Variants in AXDND1 observed in about 807,000 individuals in gnomAD.
AXDND1 encodes axonemal dynein light chain domain containing 1.
In AXDND1, 110 loss-of-function variants were observed where a neutral mutation model predicts 137.5. That is an observed-to-expected ratio of 0.80 (90% CI 0.69 to 0.94). AXDND1 has a LOEUF of 0.94. AXDND1 is among the 40% of genes least tolerant of loss of function. The pLI is 0.00. For synonymous variants in AXDND1, 414 were observed against 399.7 expected (o/e 1.04, Z -0.43); for missense variants, 1,191 against 1,169.8 (o/e 1.02, Z -0.26).
intron 20 of AXDND1, among the ~76,000 whole-genome samples, chr1:179,508,713 A>G (rs577475908): frequency 7.4e-5 from 11 of 147,906 alleles, no homozygotes; most frequent in Non-Finnish European, 1.7e-4. Flanking sequence ...CAGTAGAGGG[A>G]TTTTTTTTTT....
intron 2 of AXDND1, among the ~76,000 whole-genome samples, chr1:179,367,327 C>T (rs1178408070): frequency 6.6e-6 from 1 of 151,532 alleles, no homozygotes; most frequent in African/African-American, 2.4e-5. Flanking sequence ...ACCATTCTGG[C>T]CAACATGGAG....
chr1:179,430,687 C>A, intron 14 of AXDND1, 81 bp downstream of exon 14: 1 of 1,431,232 alleles, frequency 7.0e-7, no homozygotes, highest in Non-Finnish European at 9.5e-7. Context: ...CTCCTTCTGT[C>A]TTTTACCTTG....
intron 20 of AXDND1, among the ~76,000 whole-genome samples, chr1:179,506,530 G>A (rs766509635): frequency 1.9e-4 from 29 of 152,026 alleles, no homozygotes; most frequent in African/African-American, 6.8e-4. Flanking sequence ...TCAGCAGTTC[G>A]AGACCAGCCT....
intron 12 of AXDND1, among the ~76,000 whole-genome samples, chr1:179,413,359 T>C (rs567994622): frequency 5.9e-5 from 9 of 152,310 alleles, no homozygotes; most frequent in African/African-American, 2.2e-4. Context: ...TAGTGAACAT[T>C]GTATCCAATA....
chr1:179,548,444 A>G (rs1305755213), intron 25 of AXDND1, among the ~76,000 whole-genome samples: 1 of 152,184 alleles, frequency 6.6e-6, no homozygotes, highest in Non-Finnish European at 1.5e-5. Flanking sequence ...TATGTCTGAC[A>G]GCAGACCCCA....
intron 20 of AXDND1, among the ~76,000 whole-genome samples, chr1:179,502,303 G>A (rs533360530): frequency 1.3e-5 from 2 of 152,204 alleles, no homozygotes; most frequent in South Asian, 4.2e-4. Flanking sequence ...GGTGGCTTAC[G>A]CCTGTAATCT....
At chr1:179,456,059 T>C in intron 16 of AXDND1, 2 of 453,728 alleles carry the variant, frequency 4.4e-6, no homozygotes, top group Non-Finnish European at 4.3e-6. Context: ...ATAACAGTCC[T>C]CGAGTTTTTT....
chr1:179,428,385 CAGTT>C (rs771502911), intron 12 of AXDND1, among the ~76,000 whole-genome samples: 1 of 152,214 alleles, frequency 6.6e-6, no homozygotes, highest in African/African-American at 2.4e-5. Context: ...ACTGAAGTGA[CAGTT>C]AGAATGTCAA....
intron 12 of AXDND1, among the ~76,000 whole-genome samples, chr1:179,423,321 A>G (rs1656054225): frequency 6.6e-6 from 1 of 151,838 alleles, no homozygotes; most frequent in Non-Finnish European, 1.5e-5. Flanking sequence ...TTCAGTATGT[A>G]TGTGTTATTA....
chr1:179,437,982 T>C (rs961275699), intron 15 of AXDND1, among the ~76,000 whole-genome samples: 3 of 151,938 alleles, frequency 2.0e-5, no homozygotes, highest in African/African-American at 7.3e-5. Context: ...TGAAACCCTG[T>C]CTCTACTACA....
In AXDND1 at chr1:179,454,354, TG is replaced by T. The variant is rs201065080; in HGVS notation, c.1798+9152del. On this transcript the variant is annotated intron_variant, in intron 16 of 25. Transcript: ENST00000367618. ...GAGACATGCCTTTCACCTTCTGCTA[TG>T]GTTGTGAGGCCTCCACAGCCACGTG... 1,419 of 153,218 alleles carry T rather than the reference TG, an allele frequency of 9.3e-3. 42 individuals carry two copies. The highest frequency in any genetic ancestry group is 0.057 in the Admixed American group (872 of 15,302). The allele number at this position is 153,218 out of a possible 1,614,324, so 9.5% of individuals were successfully genotyped here.
chr1:179,450,571 T>G (rs1397541591), intron 16 of AXDND1: 3 of 152,232 alleles, frequency 2.0e-5, no homozygotes, highest in Non-Finnish European at 4.4e-5. Context: ...GCTTTCTCTG[T>G]ATTCATTGAG....
In AXDND1 at chr1:179,432,411, A is replaced by G. The variant is rs140584270; in HGVS notation, c.1563+69A>G. On this transcript the variant is annotated intron_variant, in intron 15 of 25. Coordinates refer to ENST00000367618, the MANE Select transcript of AXDND1 (RefSeq NM_144696.6). ...GTAAACTTGGCATTCCGGACCTACA[A>G]CTGAGGCACATCCCATCCTTTTTTT... 1,446 of 1,446,038 alleles carry G rather than the reference A, an allele frequency of 1.0e-3. 14 individuals carry two copies. The African/African-American group carries it at 0.02, about 20-fold the overall frequency. 89.6% of individuals were successfully genotyped at this position (1,446,038 alleles called of 1,614,324 possible). A position where few individuals can be genotyped will look rare whatever the true frequency, so the allele number is the denominator to read the frequency against.
intron 16 of AXDND1, chr1:179,456,159 G>A (rs945679315): frequency 4.9e-6 from 3 of 611,034 alleles, no homozygotes; most frequent in Admixed American, 4.2e-5. Context: ...TCACAAATCT[G>A]TTGTAACCTG....
chr1:179,394,131 G>A, intron 10 of AXDND1, 88 bp downstream of exon 10: 1 of 1,344,672 alleles, frequency 7.4e-7, no homozygotes, highest in Non-Finnish European at 9.9e-7. Context: ...AAGTGGAATG[G>A]TTAAAGGCCA....
chr1:179,502,321 T>A (rs1668071936), intron 20 of AXDND1, among the ~76,000 whole-genome samples: 2 of 152,124 alleles, frequency 1.3e-5, no homozygotes, highest in Non-Finnish European at 2.9e-5. Flanking sequence ...TCTCAGCACT[T>A]TGGGAGGCCG....
Position 179,551,961 on chromosome 1 carries a change from A to G in AXDND1, c.3032-2551A>G, listed in dbSNP as rs184323839. On this transcript the variant is annotated intron_variant, in intron 25 of 25. Coordinates refer to ENST00000367618, the MANE Select transcript of AXDND1 (RefSeq NM_144696.6). ...CCCTTCCTCATCCCCGCCTCCCCTC[A>G]GTGATCCACAGGCAATGATCCTCTT... 53 of 172,154 alleles carry G rather than the reference A, an allele frequency of 3.1e-4. 1 individual carries two copies. In the East Asian group the frequency reaches 8.0e-3, roughly 26 times the overall value. 10.7% of individuals were successfully genotyped at this position (172,154 alleles called of 1,614,324 possible). A position where few individuals can be genotyped will look rare whatever the true frequency, so the allele number is the denominator to read the frequency against.
intron 12 of AXDND1, among the ~76,000 whole-genome samples, chr1:179,421,824 G>A (rs1429910518): frequency 6.6e-6 from 1 of 151,626 alleles, no homozygotes; most frequent in Non-Finnish European, 1.5e-5. Context: ...GATCACCTGA[G>A]GTCAGGAGTT....
chr1:179,370,186 G>A, intron 4 of AXDND1, 108 bp downstream of exon 4: 2 of 863,322 alleles, frequency 2.3e-6, no homozygotes, highest in East Asian at 5.4e-5. Flanking sequence ...AATCATAGAT[G>A]ATAAAATTTA....
Sources: gnomAD v4.1 joint callset for allele counts (sites outside exome capture counted in the v4.1 genomes callset) on GRCh38, gnomAD v4.1.1 for gene constraint, MANE v1.5 for transcripts, NCBI Gene and HGNC (gene_info 2026-07-23, HGNC 2026-07-21) for gene names.